SMLR1: variants seen among roughly 807,000 people sequenced by gnomAD.
SMLR1 encodes small leucine rich protein 1.
A neutral mutation model predicts 6.1 loss-of-function variants in SMLR1; 3 were observed. The observed-to-expected ratio is 0.49, with a 90% confidence interval of 0.22 to 1.28. SMLR1 has a LOEUF of 1.28. SMLR1 is among the 50% of genes most tolerant of loss of function. The pLI is 0.19. For synonymous variants in SMLR1, 55 were observed against 53.6 expected, an observed-to-expected ratio of 1.03 and a Z score of -0.11; for missense variants, 126 against 124.8, an observed-to-expected ratio of 1.01 and a Z score of -0.05.
rs1774654699 is a variant in SMLR1 at position 130,836,212 on chromosome 6, C to T, written c.*1257C>T. The T allele has an allele frequency of 1.3e-5, 2 of 152,194 alleles. No homozygotes were observed. Among genetic ancestry groups the T allele is most frequent in the South Asian group, 4.1e-4 (2 of 4,836 alleles). 9.4% of individuals were successfully genotyped at this position (152,194 alleles called of 1,614,324 possible). ...AGACACTCACTTCTGCATTTTACTGCACTTGATTACAATGAAAATGTCTGC... is the reference window on the plus strand; with the variant it reads ...AGACACTCACTTCTGCATTTTACTGTACTTGATTACAATGAAAATGTCTGC... On this transcript the variant is annotated 3_prime_UTR_variant, in exon 2 of 2. Coordinates refer to ENST00000541421, the MANE Select transcript of SMLR1 (RefSeq NM_001195597.2).
Position 130,834,898 on chromosome 6 carries a change from T to C in SMLR1, c.267T>C (p.Asp89=). 6.5e-7 allele frequency: 1 copy of C among 1,535,376 alleles called. No individual in the cohort carries two copies. Among genetic ancestry groups the C allele is most frequent in the South Asian group, 1.2e-5 (1 of 84,032 alleles). Residue 89 remains aspartate, a synonymous_variant, in exon 2 of 2, where the codon GAT becomes GAC. Transcript: ENST00000541421. ...EVNEELSQNC[D]RQHNPKDGSS... The stretch of plus-strand genomic sequence containing the variant: ...ATGAAGAACTGTCCCAGAACTGTGA[T>C]CGCCAACATAATCCCAAGGATGGCT...
intron 1 of SMLR1, among the ~76,000 whole-genome samples, chr6:130,829,585 C>T (rs12199765): frequency 0.29 from 44,557 of 152,078 alleles, 6,922 homozygotes; most frequent in East Asian, 0.53. Flanking sequence ...CTTCCCTGCC[C>T]GTGCAAGTTA....
intron 1 of SMLR1, among the ~76,000 whole-genome samples, chr6:130,834,348 C>T (rs1467326813): frequency 2.0e-5 from 3 of 151,972 alleles, no homozygotes; most frequent in Non-Finnish European, 4.4e-5. Flanking sequence ...TTCAGTAATT[C>T]GATGGCATGG....
chr6:130,828,964 C>G (rs1220727985), intron 1 of SMLR1, among the ~76,000 whole-genome samples: 1 of 152,152 alleles, frequency 6.6e-6, no homozygotes, highest in Non-Finnish European at 1.5e-5. Context: ...CATGGCTTCC[C>G]TTCAGTGTCT....
intron 1 of SMLR1, 78 bp downstream of exon 1, chr6:130,827,729 A>G (rs1478667026): frequency 3.8e-6 from 4 of 1,044,364 alleles, no homozygotes; most frequent in Admixed American, 2.1e-5. Flanking sequence ...ATGCACTGTC[A>G]GTGTTTTCTG....
chr6:130,836,828 T>A lies in SMLR1; in HGVS notation c.*1873T>A, dbSNP rs1774685556. ...AGCTGCACAGTCAGGCCTTTGCACT[T>A]CTCATTCTCATAGGTCCAGTTTAAG... On this transcript the variant is annotated 3_prime_UTR_variant, in exon 2 of 2. Transcript: ENST00000541421. 6.6e-6 allele frequency: 1 copy of A among 152,156 alleles called. No individual in the cohort carries two copies. The highest frequency in any genetic ancestry group is 6.6e-5 in the Admixed American group (1 of 15,264). The allele number at this position is 152,156 out of a possible 1,614,324, so 9.4% of individuals were successfully genotyped here. A position where few individuals can be genotyped will look rare whatever the true frequency, so the allele number is the denominator to read the frequency against.
In SMLR1 at chr6:130,834,958, T is replaced by C; in HGVS notation, c.*3T>C. On this transcript the variant is annotated 3_prime_UTR_variant, in exon 2 of 2. Coordinates refer to ENST00000541421, the MANE Select transcript of SMLR1 (RefSeq NM_001195597.2). The stretch of plus-strand genomic sequence containing the variant: ...ACCAGAGAATGAAATGGACGTGAAG[T>C]TGGGGACTTTCCAATAACTAAAGCA... 2.6e-6 allele frequency: 4 copies of C among 1,534,896 alleles called. No individual in the cohort carries two copies. Among genetic ancestry groups the C allele is most frequent in the Non-Finnish European group, 3.5e-6 (4 of 1,145,972 alleles).
intron 1 of SMLR1, among the ~76,000 whole-genome samples, chr6:130,830,342 T>C (rs1465254623): frequency 1.3e-5 from 2 of 152,070 alleles, no homozygotes; most frequent in Non-Finnish European, 2.9e-5. Flanking sequence ...CTTGCTCTAA[T>C]TGAAGTGTGC....
intron 1 of SMLR1, among the ~76,000 whole-genome samples, chr6:130,830,616 G>T (rs909923257): frequency 6.6e-6 from 1 of 152,160 alleles, no homozygotes; most frequent in Non-Finnish European, 1.5e-5. Flanking sequence ...ATGAGGCTGA[G>T]ACCTACTGGG....
chr6:130,830,895 C>CCG (rs1554222480), intron 1 of SMLR1, among the ~76,000 whole-genome samples: 1 of 152,212 alleles, frequency 6.6e-6, no homozygotes, highest in African/African-American at 2.4e-5. Flanking sequence ...TAACCGCCCC[C>CCG]CCGCGTTTAG....
At position 130,827,664 on chromosome 6, in the gene SMLR1, C is replaced by T; in HGVS notation, c.238+13C>T. ...AAACTGATTGAGGGTAAGTGTGAGG[C>T]CACACAAGGAAGAACTTGGGCATCC... On this transcript the variant is annotated intron_variant, in intron 1 of 1. Transcript: ENST00000541421. The T allele has an allele frequency of 6.5e-7, 1 of 1,528,210 alleles. No individual in the cohort carries two copies. Among genetic ancestry groups the T allele is most frequent in the Non-Finnish European group, 8.8e-7 (1 of 1,139,852 alleles). The allele number at this position is 1,528,210 out of a possible 1,614,324, so 94.7% of individuals were successfully genotyped here.
At chr6:130,831,469 A>G (rs1020932307) in intron 1 of SMLR1, among the ~76,000 whole-genome samples, 5 of 152,170 alleles carry the variant, frequency 3.3e-5, no homozygotes, top group Admixed American at 3.3e-4. Context: ...TAAGAAGAAA[A>G]GCCACCCAAA....
In SMLR1 at chr6:130,835,969, C is replaced by T. The variant is rs753322158; in HGVS notation, c.*1014C>T. ...AGGCTGAGTGATCCACTTTATAAAACATAATGAATGGGGTCACCTGTAAGA... is the reference window on the plus strand; with the variant it reads ...AGGCTGAGTGATCCACTTTATAAAATATAATGAATGGGGTCACCTGTAAGA... On this transcript the variant is annotated 3_prime_UTR_variant, in exon 2 of 2. Transcript: ENST00000541421. 1.3e-5 allele frequency: 2 copies of T among 152,260 alleles called. No individual in the cohort carries two copies. Among genetic ancestry groups the T allele is most frequent in the Non-Finnish European group, 2.9e-5 (2 of 67,992 alleles). 9.4% of individuals were successfully genotyped at this position (152,260 alleles called of 1,614,324 possible).
rs1196306425 is a variant in SMLR1 at position 130,827,596 on chromosome 6, C to T, written c.183C>T (p.Pro61=). ...TCCTGTTCTTTGGGGTCTTCCTCCC[C>T]GTGACTTTGCTGCTGCTCCTCCTCA... ...GWFLFFGVFL[P]VTLLLLLLIA... The change falls in exon 1 of 2, where the codon CCC becomes CCT. Residue 61 remains proline, a synonymous_variant. Transcript: ENST00000541421. 37 of 1,535,824 alleles carry T rather than the reference C, an allele frequency of 2.4e-5. No individual in the cohort carries two copies. Among genetic ancestry groups the T allele is most frequent in the Middle Eastern group, 3.3e-4 (2 of 6,010 alleles).
intron 1 of SMLR1, among the ~76,000 whole-genome samples, chr6:130,831,341 T>TG (rs1774440297): frequency 1.3e-5 from 2 of 152,166 alleles, no homozygotes; most frequent in African/African-American, 4.8e-5. Flanking sequence ...TCAGTGCATC[T>TG]ATTTTTTTTT....
At chr6:130,831,096 G>A (rs1410135597) in intron 1 of SMLR1, among the ~76,000 whole-genome samples, 1 of 152,160 alleles carries the variant, frequency 6.6e-6, no homozygotes, top group African/African-American at 2.4e-5. Context: ...CCCCTTTCCT[G>A]TAAGAAGGAC....
At chr6:130,828,588 C>G (rs1005899989) in intron 1 of SMLR1, among the ~76,000 whole-genome samples, 8 of 152,106 alleles carry the variant, frequency 5.3e-5, no homozygotes, top group African/African-American at 1.9e-4. Context: ...TATAACCTAA[C>G]AGAAGTGCAA....
intron 1 of SMLR1, among the ~76,000 whole-genome samples, chr6:130,828,104 G>C (rs1026014249): frequency 1.3e-5 from 2 of 152,146 alleles, no homozygotes; most frequent in East Asian, 3.9e-4. Context: ...CTGAACTTCT[G>C]GTCAGGGAAT....
intron 1 of SMLR1, among the ~76,000 whole-genome samples, chr6:130,833,749 G>T (rs1394196726): frequency 6.6e-6 from 1 of 152,174 alleles, no homozygotes; most frequent in Non-Finnish European, 1.5e-5. Context: ...CAGAGCAAGT[G>T]CAAGTATTGG....
Sources: gnomAD v4.1 joint callset for allele counts (sites outside exome capture counted in the v4.1 genomes callset) on GRCh38, gnomAD v4.1.1 for gene constraint, MANE v1.5 for transcripts, NCBI Gene and HGNC (gene_info 2026-07-23, HGNC 2026-07-21) for gene names.